TENM4: variants seen among roughly 807,000 people sequenced by gnomAD.
TENM4 encodes the protein teneurin transmembrane protein 4.
In TENM4, 82 loss-of-function variants were observed where a neutral mutation model predicts 243.3. The observed-to-expected ratio is 0.34, with a 90% confidence interval of 0.28 to 0.40. The LOEUF is 0.40. Among genes scored for constraint, TENM4 ranks in the 10% least tolerant of loss-of-function variants. The pLI is 1.00. For missense variants in TENM4, 3,138 were observed against 3,673.3 expected, an observed-to-expected ratio of 0.85 and a Z score of 3.77; for synonymous variants, 1,412 against 1,456.3, an observed-to-expected ratio of 0.97 and a Z score of 0.69.
intron 17 of TENM4, among the ~76,000 whole-genome samples, chr11:78,774,306 T>G (rs1019788699): frequency 6.6e-6 from 1 of 152,218 alleles, no homozygotes; most frequent in Non-Finnish European, 1.5e-5. Flanking sequence ...CCAGCCCAAC[T>G]TGTGTAACGT....
intron 6 of TENM4, among the ~76,000 whole-genome samples, chr11:79,011,126 G>A (rs1447042707): frequency 6.6e-6 from 1 of 152,208 alleles, no homozygotes; most frequent in Non-Finnish European, 1.5e-5. Context: ...TACCCTGAAT[G>A]TATGCTTTAG....
intron 2 of TENM4, among the ~76,000 whole-genome samples, chr11:79,244,314 CT>C (rs1855476391): frequency 6.6e-6 from 1 of 152,170 alleles, no homozygotes; most frequent in African/African-American, 2.4e-5. Flanking sequence ...CTGCTTAGGC[CT>C]TTCTGTGTTC....
intron 4 of TENM4, 75 bp from the exon 5 acceptor site, chr11:79,070,084 C>T: frequency 6.3e-6 from 9 of 1,438,042 alleles, no homozygotes; most frequent in Non-Finnish European, 8.2e-6. Flanking sequence ...CCTGGATTCA[C>T]CCTTGCAGCC....
chr11:78,879,002 G>T (rs1320417018), intron 9 of TENM4, among the ~76,000 whole-genome samples: 1 of 152,048 alleles, frequency 6.6e-6, no homozygotes, highest in Non-Finnish European at 1.5e-5. Context: ...AATGTCCTGT[G>T]CACCATCCCA....
At chr11:78,729,929 G>A (rs928657901) in intron 21 of TENM4, among the ~76,000 whole-genome samples, 2 of 152,146 alleles carry the variant, frequency 1.3e-5, no homozygotes, top group Non-Finnish European at 2.9e-5. Context: ...TTCATGTGGT[G>A]ACCCTGCAGG....
At chr11:79,425,262 G>T (rs965442844) in intron 1 of TENM4, among the ~76,000 whole-genome samples, 1 of 152,098 alleles carries the variant, frequency 6.6e-6, no homozygotes, top group Non-Finnish European at 1.5e-5. Flanking sequence ...GGAGGACATT[G>T]AGTCCAATTT....
intron 12 of TENM4, among the ~76,000 whole-genome samples, chr11:78,838,312 T>C (rs556961372): frequency 1.5e-4 from 23 of 152,324 alleles, no homozygotes; most frequent in African/African-American, 5.5e-4. Context: ...AATATACATA[T>C]TAACTCTTGG....
At chr11:79,050,502 T>C (rs1859765990) in intron 6 of TENM4, among the ~76,000 whole-genome samples, 1 of 152,212 alleles carries the variant, frequency 6.6e-6, no homozygotes, top group Non-Finnish European at 1.5e-5. Context: ...TGAAGCACCT[T>C]CTTTTGCACT....
At chr11:79,256,597 C>T (rs1239922527) in intron 2 of TENM4, among the ~76,000 whole-genome samples, 1 of 152,190 alleles carries the variant, frequency 6.6e-6, no homozygotes, top group African/African-American at 2.4e-5. Flanking sequence ...TTTGAGTTTC[C>T]ATCTCAGAGT....
chr11:78,996,757 A>G (rs1013838457), intron 6 of TENM4, among the ~76,000 whole-genome samples: 1 of 152,120 alleles, frequency 6.6e-6, no homozygotes, highest in African/African-American at 2.4e-5. Context: ...TTCTCTAGGA[A>G]ACAGCATGTT....
At chr11:79,432,131 CT>C (rs919728506) in intron 1 of TENM4, among the ~76,000 whole-genome samples, 1 of 152,068 alleles carries the variant, frequency 6.6e-6, no homozygotes, top group African/African-American at 2.4e-5. Context: ...TAGAATAGCT[CT>C]AGATTATCTA....
Position 78,732,414 on chromosome 11 carries a change from T to C in TENM4, c.3040A>G (p.Ser1014Gly). The C allele has an allele frequency of 6.2e-7, 1 of 1,613,908 alleles. No homozygotes were observed. Among genetic ancestry groups the C allele is most frequent in the Non-Finnish European group, 8.5e-7 (1 of 1,179,858 alleles). The change falls in exon 21 of 34, where the codon AGC (serine) becomes GGC (glycine). Residue 1014 changes from serine (S) to glycine (G), a missense_variant. Ser to Gly is a moderately conservative substitution (Grantham distance 56). Around this residue, in one of 2 missense-constraint regions of TENM4, gnomAD observed 2,467 missense variants for 3,059.1 expected, o/e 0.81. Coordinates refer to ENST00000278550, the MANE Select transcript of TENM4 (RefSeq NM_001098816.3). ...EENEIPSCDL[S>G]NFARPNPVVS... ...ACTGGGTTGGGGCGGGCAAAATTGC[T>C]CAGGTCACAGCTGGGAATCTCATTC... is the stretch of plus-strand genomic sequence containing the variant.
chr11:78,663,979 C>T (rs146069179), intron 32 of TENM4, among the ~76,000 whole-genome samples: 6 of 152,260 alleles, frequency 3.9e-5, no homozygotes, highest in African/African-American at 1.4e-4. Flanking sequence ...AAATTTGGAG[C>T]CCAGTTCTAC....
At position 78,710,045 on chromosome 11, in the gene TENM4, G is replaced by A. The variant is rs182837964; in HGVS notation, c.4055-1530C>T. Among the ~76,000 whole-genome samples, 3 of 152,316 alleles carry A rather than the reference G, an allele frequency of 2.0e-5. No homozygotes were observed. The East Asian group carries it at 5.8e-4, about 29-fold the overall frequency. ...GAAAGGACAGACTCAAGAGGGTCAT[G>A]GTAAAATACAGGAGATTCTGGTCAC... is the stretch of plus-strand genomic sequence containing the variant. On this transcript the variant is annotated intron_variant, in intron 26 of 33. Coordinates refer to ENST00000278550, the MANE Select transcript of TENM4 (RefSeq NM_001098816.3).
chr11:79,285,824 A>C (rs1590851639), intron 2 of TENM4, among the ~76,000 whole-genome samples: 3 of 152,112 alleles, frequency 2.0e-5, no homozygotes. Flanking sequence ...CAGAACAGGC[A>C]AGTCCATAAA....
intron 2 of TENM4, among the ~76,000 whole-genome samples, 161 bp downstream of exon 2, chr11:79,297,327 G>A (rs1429453915): frequency 3.9e-5 from 6 of 152,166 alleles, no homozygotes; most frequent in African/African-American, 1.2e-4. Context: ...ATACTCAAAT[G>A]CCTCAAACTG....
chr11:79,104,051 T>C (rs2137085371), intron 4 of TENM4, among the ~76,000 whole-genome samples: 1 of 152,274 alleles, frequency 6.6e-6, no homozygotes, highest in Middle Eastern at 3.4e-3. Flanking sequence ...GGGTCTCTCT[T>C]CCCTATTTTT....
chr11:79,110,367 G>A (rs80344150), intron 4 of TENM4, among the ~76,000 whole-genome samples: 2,057 of 152,274 alleles, frequency 0.014, 48 homozygotes, highest in African/African-American at 0.046. Context: ...AAGGGGTTGA[G>A]AGCTGTGCTC....
At chr11:79,310,836 A>C (rs560124461) in intron 1 of TENM4, among the ~76,000 whole-genome samples, 1 of 152,208 alleles carries the variant, frequency 6.6e-6, no homozygotes, top group African/African-American at 2.4e-5. Context: ...GCTTTCTAGG[A>C]AAAGAAATAA....
Sources: allele counts gnomAD v4.1 joint callset (sites outside exome capture counted in the v4.1 genomes callset), GRCh38; gene constraint gnomAD v4.1.1; regional missense constraint gnomAD v4.1.1; transcripts MANE v1.5; gene names NCBI Gene and HGNC (gene_info 2026-07-23, HGNC 2026-07-21).